FYB1: variants seen among roughly 807,000 people sequenced by gnomAD.
The protein encoded by FYB1 is FYN binding protein 1.
In FYB1, 41 loss-of-function variants were observed where a neutral mutation model predicts 94.1. That is an observed-to-expected ratio of 0.44 (90% CI 0.34 to 0.57). The LOEUF is 0.57. FYB1 is among the 20% of genes least tolerant of loss of function. FYB1 has a pLI of 0.02. For synonymous variants in FYB1, 367 were observed against 353.2 expected (o/e 1.04, Z -0.44); for missense variants, 1,050 against 976.8 (o/e 1.07, Z -1.00).
chr5:39,200,694 G>C (rs1428285983), intron 2 of FYB1, among the ~76,000 whole-genome samples: 1 of 152,180 alleles, frequency 6.6e-6, no homozygotes, highest in Admixed American at 6.5e-5. Context: ...TCACTAAGCT[G>C]TTTACGAACA....
chr5:39,237,171 T>C (rs1254445751), intron 1 of FYB1, among the ~76,000 whole-genome samples: 6 of 151,892 alleles, frequency 4.0e-5, no homozygotes, highest in Admixed American at 3.9e-4. Flanking sequence ...CTGGAAAAAA[T>C]TGTAGGCTCA....
chr5:39,173,450 G>C (rs758681728), intron 2 of FYB1, among the ~76,000 whole-genome samples: 1 of 152,084 alleles, frequency 6.6e-6, no homozygotes. Context: ...GGTCTCACTT[G>C]TCTGTTTTTG....
At chr5:39,228,103 GAGCAATAATATTAT>G (rs1376805312) in intron 1 of FYB1, among the ~76,000 whole-genome samples, 4 of 152,128 alleles carry the variant, frequency 2.6e-5, no homozygotes, top group African/African-American at 9.7e-5. Context: ...CTTTTAACAA[GAGCAATAATATTAT>G]TTCCACCTTC....
chr5:39,270,778 T>A (rs1561322597), intron 1 of FYB1: 1 of 453,734 alleles, frequency 2.2e-6, no homozygotes, highest in Non-Finnish European at 3.9e-6. Flanking sequence ...AGGTTTATCT[T>A]GTTATTATTT....
intron 5 of FYB1, chr5:39,139,001 G>A (rs1741908633): frequency 1.8e-6 from 1 of 549,750 alleles, no homozygotes; most frequent in African/African-American, 1.9e-5. Context: ...ATATAAATCA[G>A]ACGTGTAGTC....
At chr5:39,163,715 T>C (rs970535171) in intron 2 of FYB1, among the ~76,000 whole-genome samples, 6 of 152,208 alleles carry the variant, frequency 3.9e-5, no homozygotes, top group African/African-American at 1.4e-4. Context: ...TGGATCTTTT[T>C]TTGGAAGGTT....
intron 16 of FYB1, among the ~76,000 whole-genome samples, chr5:39,112,856 CTGT>C (rs140034660): frequency 3.5e-4 from 53 of 152,136 alleles, no homozygotes; most frequent in Non-Finnish European, 6.6e-4. Context: ...CACTTTGTTG[CTGT>C]TGTTGTGTGT....
chr5:39,203,080 G>A (rs1748524599), intron 1 of FYB1, 93 bp from the exon 2 acceptor site: 2 of 1,093,810 alleles, frequency 1.8e-6, no homozygotes, highest in African/African-American at 1.6e-5. Flanking sequence ...CTGGTTTGAG[G>A]CCTGCAGCGT....
intron 9 of FYB1, among the ~76,000 whole-genome samples, chr5:39,131,301 A>G (rs188443761): frequency 7.2e-5 from 11 of 152,326 alleles, no homozygotes; most frequent in Admixed American, 7.2e-4. Flanking sequence ...GAGAATGGAA[A>G]AAATCCCAGA....
At chr5:39,238,351 TA>T (rs1479154764) in intron 1 of FYB1, among the ~76,000 whole-genome samples, 2 of 152,026 alleles carry the variant, frequency 1.3e-5, no homozygotes, top group African/African-American at 4.8e-5. Flanking sequence ...AAATGCATTA[TA>T]TTTTTTTAGG....
intron 1 of FYB1, among the ~76,000 whole-genome samples, chr5:39,238,256 T>C (rs1751056159): frequency 6.6e-6 from 1 of 152,006 alleles, no homozygotes. Context: ...CATCCTATAA[T>C]ATATCTGTGT....
At chr5:39,160,432 A>C (rs1220072390) in intron 2 of FYB1, among the ~76,000 whole-genome samples, 1 of 152,014 alleles carries the variant, frequency 6.6e-6, no homozygotes. Flanking sequence ...GAATAGTCTA[A>C]GAATGAAGAA....
chr5:39,210,203 G>A (rs1382946758), intron 1 of FYB1, among the ~76,000 whole-genome samples: 1 of 152,264 alleles, frequency 6.6e-6, no homozygotes, highest in Non-Finnish European at 1.5e-5. Context: ...CAACCCCAGC[G>A]ATGCCCTGTC....
intron 2 of FYB1, among the ~76,000 whole-genome samples, chr5:39,157,334 G>A (rs956501246): frequency 3.3e-5 from 5 of 152,156 alleles, no homozygotes; most frequent in African/African-American, 7.2e-5. Flanking sequence ...TCCTCTTAGT[G>A]TGATTTTATG....
intron 1 of FYB1, among the ~76,000 whole-genome samples, chr5:39,231,167 A>AAC (rs1561294104): frequency 1.4e-5 from 2 of 142,636 alleles, no homozygotes; most frequent in African/African-American, 5.9e-5. Context: ...AAAAACAAAA[A>AAC]AAAACAAAAA....
chr5:39,262,370 G>A (rs1752261150), intron 1 of FYB1, among the ~76,000 whole-genome samples: 1 of 152,126 alleles, frequency 6.6e-6, no homozygotes, highest in Non-Finnish European at 1.5e-5. Flanking sequence ...TTATTGGAAT[G>A]GCTAATAAAC....
At chr5:39,212,028 A>C (rs1003494046) in intron 1 of FYB1, among the ~76,000 whole-genome samples, 1 of 152,228 alleles carries the variant, frequency 6.6e-6, no homozygotes, top group African/African-American at 2.4e-5. Flanking sequence ...GCAGCTGGGC[A>C]CAATGGGTGG....
chr5:39,270,627 C>A, intron 1 of FYB1: 1 of 1,522,772 alleles, frequency 6.6e-7, no homozygotes, highest in Non-Finnish European at 8.8e-7. Flanking sequence ...GATGGTGCAG[C>A]TTGGATAGTG....
At chr5:39,239,208 CT>C (rs1751101084) in intron 1 of FYB1, among the ~76,000 whole-genome samples, 1 of 152,078 alleles carries the variant, frequency 6.6e-6, no homozygotes, top group Non-Finnish European at 1.5e-5. Context: ...CAACATCATA[CT>C]AAATGGGCAA....
Sources: allele counts gnomAD v4.1 joint callset (sites outside exome capture counted in the v4.1 genomes callset), GRCh38; gene constraint gnomAD v4.1.1; transcripts MANE v1.5; gene names NCBI Gene and HGNC (gene_info 2026-07-23, HGNC 2026-07-21).